The following ERCC5 variants were observed in gnomAD, a reference collection of about 807,000 sequenced individuals.
ERCC5 encodes DNA excision repair protein ERCC-5.
ERCC5 carries 68 observed loss-of-function variants against 105.6 expected under a neutral mutation model. The observed-to-expected ratio is 0.64, with a 90% CI of 0.53 to 0.79. ERCC5 has a LOEUF of 0.79. Ranked by LOEUF, ERCC5 falls within the 30% of genes least tolerant of loss-of-function variation. ERCC5 has a pLI of 0.00. For missense variants in ERCC5, 1,373 were observed against 1,426.7 expected, an observed-to-expected ratio of 0.96 and a Z score of 0.61; for synonymous variants, 546 against 526.2, an observed-to-expected ratio of 1.04 and a Z score of -0.51.
intron 2 of ERCC5, 88 bp downstream of exon 2, chr13:102,852,381 C>T (rs923489817): frequency 6.3e-5 from 94 of 1,497,648 alleles, no homozygotes; most frequent in Non-Finnish European, 7.2e-5. Flanking sequence ...TTTGTTTTCT[C>T]TTTAGAATTT....
At chr13:102,857,852 CT>C (rs1186558368) in intron 5 of ERCC5, among the ~76,000 whole-genome samples, 2 of 152,110 alleles carry the variant, frequency 1.3e-5, no homozygotes, top group African/African-American at 4.8e-5. Flanking sequence ...TCAAATAGAT[CT>C]TTTTTTCCAC....
chr13:102,849,545 T>C, intron 1 of ERCC5: 2 of 407,918 alleles, frequency 4.9e-6, no homozygotes, highest in South Asian at 1.7e-5. Context: ...TTTTGTTACA[T>C]AGTGTTTTGT....
In ERCC5 at chr13:102,866,661, C is replaced by T. The variant is rs1317415455; in HGVS notation, c.2349C>T (p.Tyr783=). Residue 783 remains tyrosine (Y), a synonymous_variant, in exon 11 of 15, where the codon TAC becomes TAT. Transcript: ENST00000652225. ...QELLRLFGIP[Y]IQAPMEAEAQ... ...TCCTGCGCCTGTTCGGCATTCCCTA[C>T]ATCCAGGCTCCCATGGAAGCAGAGG... 1.9e-6 allele frequency: 3 copies of T among 1,613,814 alleles called. No homozygotes were observed. Among genetic ancestry groups the T allele is most frequent in the East Asian group, 2.2e-5 (1 of 44,896 alleles).
At chr13:102,866,964 A>AT in intron 11 of ERCC5, 119 bp downstream of exon 11, 1 of 1,054,904 alleles carries the variant, frequency 9.5e-7, no homozygotes, top group South Asian at 1.5e-5. Flanking sequence ...GTCTATGCAA[A>AT]TTTTTATATG....
chr13:102,871,447 C>T (rs1883030255), intron 12 of ERCC5, among the ~76,000 whole-genome samples: 1 of 152,098 alleles, frequency 6.6e-6, no homozygotes, highest in South Asian at 2.1e-4. Flanking sequence ...TGTGTGCTCA[C>T]GTAGAATATT....
At chr13:102,866,992 A>G in intron 11 of ERCC5, 147 bp downstream of exon 11, 3 of 805,450 alleles carry the variant, frequency 3.7e-6, no homozygotes, top group Non-Finnish European at 5.8e-6. Flanking sequence ...TTTGGCTTAT[A>G]TAGAGGAATA....
At chr13:102,858,509 T>G in intron 6 of ERCC5, 91 bp downstream of exon 6, 1 of 1,551,136 alleles carries the variant, frequency 6.4e-7, no homozygotes, top group South Asian at 1.1e-5. Flanking sequence ...AAGCAATACT[T>G]ACACGATATC....
In ERCC5 at chr13:102,865,995, GTATT is replaced by G. The variant is rs1882820625; in HGVS notation, c.2199+87_2199+90del. ...TGAGTTTTAAGGAGTTGGTGGATGAGTATTTAGTAGCTATTTGCAGTACATCTTG... is the reference window on the plus strand; with the variant it reads ...TGAGTTTTAAGGAGTTGGTGGATGAGTAGTAGCTATTTGCAGTACATCTTG... On this transcript the variant is annotated intron_variant, in intron 9 of 14. Transcript: ENST00000652225. This position sits in a 1 kb window ranked among gnomAD's most constrained non-coding sequence, Gnocchi z 4.0. The G allele has an allele frequency of 3.7e-6, 6 of 1,609,338 alleles. No individual in the cohort carries two copies. The African/African-American group carries it at 5.3e-5, about 14-fold the overall frequency.
intron 1 of ERCC5, among the ~76,000 whole-genome samples, chr13:102,848,126 GAATA>G (rs1357117251): frequency 6.6e-6 from 1 of 150,716 alleles, no homozygotes; most frequent in African/African-American, 2.5e-5. Flanking sequence ...GTCTGTCTCT[GAATA>G]AATAAATAAA....
At position 102,865,508 on chromosome 13, in the gene ERCC5, A is replaced by G. The variant is rs980386600; in HGVS notation, c.1955-159A>G. 4 of 1,019,004 alleles carry G rather than the reference A, an allele frequency of 3.9e-6. No individual in the cohort carries two copies. Among genetic ancestry groups the G allele is most frequent in the East Asian group, 2.7e-5 (1 of 36,564 alleles). 63.1% of individuals were successfully genotyped at this position (1,019,004 alleles called of 1,614,324 possible). A position where few individuals can be genotyped will look rare whatever the true frequency, so the allele number is the denominator to read the frequency against. On this transcript the variant is annotated intron_variant, in intron 8 of 14. Transcript: ENST00000652225. This position sits in a 1 kb window ranked among gnomAD's most constrained non-coding sequence, Gnocchi z 4.0. ...GTTACAGGCATTTGTGATTACATTT[A>G]TTTATTAATAACGCTACTATTACAT...
At chr13:102,849,440 T>C in intron 1 of ERCC5, 1 of 519,024 alleles carries the variant, frequency 1.9e-6, no homozygotes, top group South Asian at 1.4e-5. Flanking sequence ...CTGAATTGTT[T>C]GGTGTATATC....
At chr13:102,874,112 A>AT (rs1883119056) in intron 14 of ERCC5, among the ~76,000 whole-genome samples, 1 of 152,144 alleles carries the variant, frequency 6.6e-6, no homozygotes, top group African/African-American at 2.4e-5. Flanking sequence ...AAGGAAAGCT[A>AT]TTTGTCTTAG....
At chr13:102,864,309 T>A (rs1233352748) in intron 8 of ERCC5, among the ~76,000 whole-genome samples, 2 of 152,236 alleles carry the variant, frequency 1.3e-5, no homozygotes, top group African/African-American at 4.8e-5. Context: ...CTTGTTAGCA[T>A]CCATTGATGT....
chr13:102,856,547 G>A (rs931225963), intron 5 of ERCC5, among the ~76,000 whole-genome samples: 5 of 152,162 alleles, frequency 3.3e-5, no homozygotes, highest in Non-Finnish European at 7.3e-5. Flanking sequence ...ATATATATGT[G>A]TACACATATG....
At chr13:102,864,126 C>CACACACACACACACACA (rs1555326404) in intron 8 of ERCC5, among the ~76,000 whole-genome samples, 1 of 140,918 alleles carries the variant, frequency 7.1e-6, no homozygotes, top group Admixed American at 7.2e-5. Flanking sequence ...AGAGAATCAA[C>CACACACACACACACACA]CACACACACA....
At chr13:102,853,673 C>T in intron 2 of ERCC5, 84 bp from the exon 3 acceptor site, 1 of 1,437,978 alleles carries the variant, frequency 7.0e-7, no homozygotes, top group South Asian at 1.2e-5. Context: ...TCAGACAAAC[C>T]AAATTCTCTG....
chr13:102,849,588 T>TA (rs3837571), intron 1 of ERCC5: 1 of 367,576 alleles, frequency 2.7e-6, no homozygotes, highest in Non-Finnish European at 5.3e-6. Flanking sequence ...CATTTTTTTT[T>TA]ATGTTAGTAA....
chr13:102,858,802 G>A (rs903808375), intron 6 of ERCC5: 9 of 432,100 alleles, frequency 2.1e-5, no homozygotes, highest in African/African-American at 1.8e-4. Flanking sequence ...CAATTCTTAG[G>A]TTAGGTCATA....
At chr13:102,851,287 G>A (rs1882191019) in intron 1 of ERCC5, among the ~76,000 whole-genome samples, 2 of 151,966 alleles carry the variant, frequency 1.3e-5, no homozygotes, top group South Asian at 2.1e-4. Flanking sequence ...CAGCAAATAG[G>A]TCTGCCATAA....
Sources: gnomAD v4.1 joint callset for allele counts (sites outside exome capture counted in the v4.1 genomes callset) on GRCh38, gnomAD v4.1.1 for gene constraint, Gnocchi (gnomAD v3.1) non-coding constraint, MANE v1.5 for transcripts, NCBI Gene and HGNC (gene_info 2026-07-23, HGNC 2026-07-21) for gene names.